PCNT: variants seen among roughly 807,000 people sequenced by gnomAD.
The protein encoded by PCNT is kendrin.
A neutral mutation model predicts 380.4 loss-of-function variants in PCNT; 319 were observed. The ratio of observed to expected loss-of-function variants is 0.84; its 90% CI spans 0.77 to 0.92. The LOEUF is 0.92. PCNT is among the 40% of genes least tolerant of loss of function. The pLI, the probability that PCNT is intolerant of heterozygous loss-of-function variation, is 0.00. For missense variants in PCNT, 4,400 were observed against 4,255.3 expected, an observed-to-expected ratio of 1.03 and a Z score of -0.95; for synonymous variants, 1,845 against 1,735.2, an observed-to-expected ratio of 1.06 and a Z score of -1.57.
intron 3 of PCNT, among the ~76,000 whole-genome samples, chr21:46,341,631 T>C (rs1184529039): frequency 6.6e-6 from 1 of 151,838 alleles, no homozygotes; most frequent in East Asian, 1.9e-4. Flanking sequence ...CCTCCCAAAG[T>C]GCTGGGATTA....
intron 15 of PCNT, among the ~76,000 whole-genome samples, chr21:46,372,384 C>T (rs1418263827): frequency 1.3e-5 from 2 of 151,918 alleles, no homozygotes; most frequent in Admixed American, 1.3e-4. Flanking sequence ...AGCACATGCT[C>T]ATACACGCAG....
intron 40 of PCNT, among the ~76,000 whole-genome samples, chr21:46,437,756 G>A (rs2053501145): frequency 6.6e-6 from 1 of 152,222 alleles, no homozygotes; most frequent in Non-Finnish European, 1.5e-5. Context: ...CGTTGTGGGT[G>A]GGGTGCACCC....
intron 15 of PCNT, among the ~76,000 whole-genome samples, chr21:46,371,041 T>A (rs1017039142): frequency 6.6e-6 from 1 of 151,404 alleles, no homozygotes; most frequent in East Asian, 1.9e-4. Context: ...TCTCAAAAAA[T>A]ATATATATGA....
chr21:46,386,122 G>A (rs147826839), intron 17 of PCNT, 139 bp downstream of exon 17: 4 of 971,884 alleles, frequency 4.1e-6, no homozygotes, highest in East Asian at 2.5e-5. Context: ...CGGGGACCCG[G>A]CTTCCTTCTT....
intron 13 of PCNT, among the ~76,000 whole-genome samples, chr21:46,359,128 T>G (rs2084592023): frequency 6.6e-6 from 1 of 152,058 alleles, no homozygotes; most frequent in African/African-American, 2.4e-5. Flanking sequence ...AATTTTTGTA[T>G]TTTTAGTAGA....
In PCNT at chr21:46,418,200, A is replaced by G. The variant is rs587784317; in HGVS notation, c.6922-4A>G. ...TTTATGACCATTTAAAAATCTCTTA[A>G]CAGGAGAAAGATGTCGAAGATTTTA... On this transcript the variant is annotated splice_region_variant and splice_polypyrimidine_tract_variant and intron_variant, in intron 30 of 46. Transcript: ENST00000359568. 13 of 1,538,948 alleles carry G rather than the reference A, an allele frequency of 8.4e-6. No individual in the cohort carries two copies. In the Admixed American group the frequency reaches 2.2e-4, roughly 26 times the overall value.
In PCNT at chr21:46,349,202, G is replaced by A. The variant is rs749608622; in HGVS notation, c.1207+16G>A. 1 of 1,607,790 alleles carries A rather than the reference G, an allele frequency of 6.2e-7. No homozygotes were observed. Among genetic ancestry groups the A allele is most frequent in the South Asian group, 1.1e-5 (1 of 90,846 alleles). ...CAGGCTGAACGTAAGTAATGAAAAT[G>A]AGCAAGTTTGGAGTGGGACTGAATT... On this transcript the variant is annotated intron_variant, in intron 7 of 46. Transcript: ENST00000359568.
intron 15 of PCNT, among the ~76,000 whole-genome samples, chr21:46,372,151 A>C (rs1002118181): frequency 6.6e-6 from 1 of 150,378 alleles, no homozygotes; most frequent in East Asian, 2.0e-4. Flanking sequence ...ACATGTGCCC[A>C]TACAAGGCAC....
intron 15 of PCNT, among the ~76,000 whole-genome samples, chr21:46,380,541 G>A (rs2085494456): frequency 6.6e-6 from 1 of 151,570 alleles, no homozygotes; most frequent in African/African-American, 2.4e-5. Flanking sequence ...TCGGGCAGTT[G>A]TGCATGGAAA....
rs185351687 is a variant in PCNT at position 46,424,351 on chromosome 21, C to T, written c.7180-1480C>T. Among the ~76,000 whole-genome samples the T allele has an allele frequency of 2.1e-4, 32 of 152,330 alleles. No individual in the cohort carries two copies. The East Asian group carries it at 4.1e-3, about 19-fold the overall frequency. ...CCACCACCACTGCTGACAGGCAGAG[C>T]CGCCTGGTCCTGAGTGTGGAGATGG... On this transcript the variant is annotated intron_variant, in intron 32 of 46. Transcript: ENST00000359568.
chr21:46,407,730 C>T (rs2086661550), intron 27 of PCNT, among the ~76,000 whole-genome samples: 1 of 152,198 alleles, frequency 6.6e-6, no homozygotes, highest in African/African-American at 2.4e-5. Flanking sequence ...TGATGGCCCT[C>T]CTTTTATTCC....
rs743344 is a variant in PCNT at position 46,424,518 on chromosome 21, G to C, written c.7180-1313G>C. On this transcript the variant is annotated intron_variant, in intron 32 of 46. Coordinates refer to ENST00000359568, the MANE Select transcript of PCNT (RefSeq NM_006031.6). ...CTGCAAGGGCCCCGTGTCACCTGGC[G>C]GGAAGCTGTGGCCCAGGGCCTCTGC... 5.4e-3 allele frequency among the ~76,000 whole-genome samples: 819 copies of C among 152,348 alleles called. 6 individuals carry two copies. Among genetic ancestry groups the C allele is most frequent in the African/African-American group, 0.019 (786 of 41,582 alleles).
chr21:46,381,220 GTGTGTGTGTGTGTGTGTGT>G (rs2085528118), intron 15 of PCNT, among the ~76,000 whole-genome samples: 1 of 147,570 alleles, frequency 6.8e-6, no homozygotes, highest in African/African-American at 2.6e-5. Flanking sequence ...GTGTGTGTGT[GTGTGTGTGTGTGTGTGTGT>G]GTGTGTATAG....
At chr21:46,386,275 C>T (rs2085831580) in intron 17 of PCNT, among the ~76,000 whole-genome samples, 1 of 152,234 alleles carries the variant, frequency 6.6e-6, no homozygotes, top group African/African-American at 2.4e-5. Context: ...ATCTCCCACA[C>T]AGAGCCCGAC....
At chr21:46,362,007 T>C (rs2084736964) in intron 13 of PCNT, among the ~76,000 whole-genome samples, 1 of 152,210 alleles carries the variant, frequency 6.6e-6, no homozygotes, top group Non-Finnish European at 1.5e-5. Flanking sequence ...AGTGATAGAT[T>C]TGGAGACTTT....
At chr21:46,422,738 C>T (rs555544339) in intron 32 of PCNT, among the ~76,000 whole-genome samples, 126 of 152,296 alleles carry the variant, frequency 8.3e-4, no homozygotes, top group African/African-American at 2.8e-3. Flanking sequence ...TCAGTGAAAC[C>T]TCTTCTGAGA....
chr21:46,425,759 G>T lies in PCNT; in HGVS notation c.7180-72G>T. 2 of 1,605,214 alleles carry T rather than the reference G, an allele frequency of 1.2e-6. No individual in the cohort carries two copies. The highest frequency in any genetic ancestry group is 2.2e-5 in the South Asian group (2 of 90,862). Reference sequence around the variant, plus strand: ...CACAGAGTCCTGGCGGCAGCTCGGGGCCGCAGGTGGTGTAGAGCGTGGCTG... The same window carrying T: ...CACAGAGTCCTGGCGGCAGCTCGGGTCCGCAGGTGGTGTAGAGCGTGGCTG... On this transcript the variant is annotated intron_variant, in intron 32 of 46. Transcript: ENST00000359568. The surrounding 1 kb of genome is among the most constrained non-coding windows in gnomAD (Gnocchi z 4.2).
intron 38 of PCNT, among the ~76,000 whole-genome samples, chr21:46,435,581 T>C (rs1176099998): frequency 6.6e-6 from 1 of 151,492 alleles, no homozygotes; most frequent in Admixed American, 6.6e-5. Flanking sequence ...CTCACTCTGT[T>C]GTCCAGGCTG....
At chr21:46,337,284 T>A (rs1397743664) in intron 3 of PCNT, among the ~76,000 whole-genome samples, 1 of 152,148 alleles carries the variant, frequency 6.6e-6, no homozygotes, top group Non-Finnish European at 1.5e-5. Context: ...GCCCCATTTA[T>A]TTACTTATTT....
Sources: allele counts gnomAD v4.1 joint callset (sites outside exome capture counted in the v4.1 genomes callset), GRCh38; gene constraint gnomAD v4.1.1; non-coding constraint Gnocchi (gnomAD v3.1); transcripts MANE v1.5; gene names NCBI Gene and HGNC (gene_info 2026-07-23, HGNC 2026-07-21).